The following ANKS1B variants were observed in gnomAD, a reference collection of about 807,000 sequenced individuals.
The protein encoded by ANKS1B is ankyrin repeat and sterile alpha motif domain-containing protein 1B.
Under a neutral mutation model 148.3 loss-of-function variants are expected in ANKS1B, and 36 were observed. The observed-to-expected ratio is 0.24, with a 90% CI of 0.19 to 0.32. The LOEUF is 0.32. ANKS1B is among the 10% of genes least tolerant of loss of function. The probability of loss-of-function intolerance (pLI) is 1.00; values close to 1 mark genes in which losing one functional copy is unlikely to be tolerated. For missense variants in ANKS1B, 1,157 were observed against 1,542.6 expected (o/e 0.75, Z 4.19); for synonymous variants, 542 against 560.8 (o/e 0.97, Z 0.47).
At chr12:99,375,885 C>T (rs1056628306) in intron 12 of ANKS1B, among the ~76,000 whole-genome samples, 1 of 152,156 alleles carries the variant, frequency 6.6e-6, no homozygotes, top group East Asian at 1.9e-4. Context: ...ACACACACTT[C>T]CTCTCTCTTC....
rs893560165 is a variant in ANKS1B at position 99,113,589 on chromosome 12, T to C, written c.2527-28566A>G. Among the ~76,000 whole-genome samples, 20 of 152,184 alleles carry C rather than the reference T, an allele frequency of 1.3e-4. 1 individual carries two copies. Among genetic ancestry groups the C allele is most frequent in the Admixed American group, 1.3e-3 (20 of 15,278 alleles). On this transcript the variant is annotated intron_variant, in intron 15 of 26. Coordinates refer to ENST00000683438, the MANE Select transcript of ANKS1B (RefSeq NM_001352186.2). Reference sequence around the variant, plus strand: ...ACATATTAAATTGCCAAGACAAAACTTCTAAGTTATCTTTATGTCTCTTTC... The same window carrying C: ...ACATATTAAATTGCCAAGACAAAACCTCTAAGTTATCTTTATGTCTCTTTC...
At chr12:99,144,603 T>C (rs567771319) in intron 15 of ANKS1B, among the ~76,000 whole-genome samples, 2 of 152,156 alleles carry the variant, frequency 1.3e-5, no homozygotes, top group Admixed American at 6.6e-5. Flanking sequence ...ATGAGTTGAA[T>C]TGTGTCACCC....
intron 10 of ANKS1B, among the ~76,000 whole-genome samples, chr12:99,470,385 A>C (rs1009587619): frequency 1.3e-5 from 2 of 152,120 alleles, no homozygotes; most frequent in African/African-American, 2.4e-5. Flanking sequence ...TTAATGCTTT[A>C]ATGACATTGT....
chr12:98,745,690 G>C lies in ANKS1B; in HGVS notation c.*49C>G, dbSNP rs778072549. ...GGAGGCGCGAAGGAAAGCCTGCTCC[G>C]GGACCGCTTGGCGAGCAAGGCACCG... is the stretch of plus-strand genomic sequence containing the variant. On this transcript the variant is annotated 3_prime_UTR_variant, in exon 27 of 27. Transcript: ENST00000683438. 6.2e-7 allele frequency: 1 copy of C among 1,604,426 alleles called. No individual in the cohort carries two copies. Among genetic ancestry groups the C allele is most frequent in the African/African-American group, 1.3e-5 (1 of 74,360 alleles).
chr12:99,241,836 C>T (rs566149140), intron 14 of ANKS1B, among the ~76,000 whole-genome samples: 13 of 152,248 alleles, frequency 8.5e-5, no homozygotes, highest in African/African-American at 2.9e-4. Context: ...AGGCCTTTGA[C>T]AAAATTCAAC....
chr12:99,235,341 A>G (rs1405739126), intron 14 of ANKS1B, among the ~76,000 whole-genome samples: 1 of 152,154 alleles, frequency 6.6e-6, no homozygotes, highest in Admixed American at 6.6e-5. Context: ...TTCATGCATG[A>G]AACACCATTC....
intron 1 of ANKS1B, among the ~76,000 whole-genome samples, chr12:99,976,969 T>C (rs2095636744): frequency 6.6e-6 from 1 of 152,168 alleles, no homozygotes; most frequent in African/African-American, 2.4e-5. Flanking sequence ...CATCATCCCA[T>C]GGCAGAAGGC....
At chr12:98,816,241 AG>A (rs1239148883) in intron 19 of ANKS1B, among the ~76,000 whole-genome samples, 1 of 152,126 alleles carries the variant, frequency 6.6e-6, no homozygotes, top group Non-Finnish European at 1.5e-5. Flanking sequence ...ATCCAAATTA[AG>A]TCTGTGCTTT....
intron 8 of ANKS1B, among the ~76,000 whole-genome samples, chr12:99,685,575 C>A (rs1485868533): frequency 1.3e-5 from 2 of 152,108 alleles, no homozygotes; most frequent in African/African-American, 4.8e-5. Context: ...AATCCCACTT[C>A]TGGGTATCTA....
intron 14 of ANKS1B, among the ~76,000 whole-genome samples, chr12:99,156,173 C>G (rs922005391): frequency 6.6e-6 from 1 of 152,092 alleles, no homozygotes; most frequent in Non-Finnish European, 1.5e-5. Context: ...ATCTTCTACT[C>G]CTCTTTCACT....
At chr12:99,160,543 T>A (rs2153829801) in intron 14 of ANKS1B, among the ~76,000 whole-genome samples, 1 of 147,622 alleles carries the variant, frequency 6.8e-6, no homozygotes, top group East Asian at 2.0e-4. Context: ...AGAGATGGGG[T>A]TTCACCATGT....
At chr12:99,095,695 G>A (rs2055810679) in intron 15 of ANKS1B, among the ~76,000 whole-genome samples, 1 of 152,152 alleles carries the variant, frequency 6.6e-6, no homozygotes, top group Non-Finnish European at 1.5e-5. Context: ...TTATAATGGA[G>A]GCAACAGGAT....
chr12:98,785,248 T>A (rs925145734), intron 22 of ANKS1B, among the ~76,000 whole-genome samples: 14 of 152,182 alleles, frequency 9.2e-5, no homozygotes, highest in African/African-American at 3.1e-4. Flanking sequence ...GGTGAGCAGA[T>A]CACCAGAGGT....
chr12:98,908,667 A>C (rs2099782694), intron 17 of ANKS1B, among the ~76,000 whole-genome samples: 2 of 152,320 alleles, frequency 1.3e-5, no homozygotes, highest in Middle Eastern at 3.4e-3. Context: ...GAGAAGAGTC[A>C]CCATGGACAG....
At chr12:99,754,558 C>T (rs750796787) in intron 8 of ANKS1B, among the ~76,000 whole-genome samples, 1 of 152,162 alleles carries the variant, frequency 6.6e-6, no homozygotes, top group Non-Finnish European at 1.5e-5. Context: ...TTCTCATTGC[C>T]ACATGGCACA....
chr12:99,598,850 A>G (rs1473797037), intron 9 of ANKS1B, among the ~76,000 whole-genome samples: 4 of 152,136 alleles, frequency 2.6e-5, no homozygotes, highest in African/African-American at 4.8e-5. Flanking sequence ...TTAAAACAAC[A>G]GAAGCTATTG....
intron 8 of ANKS1B, among the ~76,000 whole-genome samples, chr12:99,669,532 T>C (rs11109986): frequency 0.45 from 68,295 of 151,866 alleles, 16,138 homozygotes; most frequent in South Asian, 0.6. Flanking sequence ...CTAGTGAATG[T>C]GCCATGTATT....
intron 17 of ANKS1B, among the ~76,000 whole-genome samples, chr12:98,951,948 G>A (rs1387319013): frequency 1.3e-5 from 2 of 152,148 alleles, no homozygotes; most frequent in Admixed American, 1.3e-4. Flanking sequence ...TCAATTGCCT[G>A]TCACAGTACC....
chr12:99,656,400 T>C (rs899562681), intron 8 of ANKS1B, among the ~76,000 whole-genome samples: 4 of 152,222 alleles, frequency 2.6e-5, no homozygotes, highest in African/African-American at 9.6e-5. Context: ...ACAAGAATCA[T>C]ATATTTGAGA....
Sources: allele counts gnomAD v4.1 joint callset (sites outside exome capture counted in the v4.1 genomes callset), GRCh38; gene constraint gnomAD v4.1.1; transcripts MANE v1.5; gene names NCBI Gene and HGNC (gene_info 2026-07-23, HGNC 2026-07-21).